PLD5: variants seen among roughly 807,000 people sequenced by gnomAD.
PLD5 encodes the protein inactive phospholipase D5.
A neutral mutation model predicts 61.1 loss-of-function variants in PLD5; 36 were observed. That is an observed-to-expected ratio of 0.59 (90% CI 0.45 to 0.78). PLD5 has a LOEUF of 0.78. Among genes scored for constraint, PLD5 ranks in the 30% least tolerant of loss-of-function variants. The pLI is 0.00. For synonymous variants in PLD5, 243 were observed against 242.8 expected (o/e 1.00, Z -0.01); for missense variants, 515 against 644.4 (o/e 0.80, Z 2.17).
At chr1:242,443,369 T>C (rs1229365957) in intron 1 of PLD5, among the ~76,000 whole-genome samples, 3 of 152,196 alleles carry the variant, frequency 2.0e-5, no homozygotes, top group Admixed American at 2.0e-4. Flanking sequence ...CAAATAGATA[T>C]GCTCTCCTTA....
intron 1 of PLD5, among the ~76,000 whole-genome samples, chr1:242,445,235 G>A (rs1046420149): frequency 6.6e-6 from 1 of 152,158 alleles, no homozygotes; most frequent in Non-Finnish European, 1.5e-5. Flanking sequence ...AACACACAGC[G>A]AGAAGGCATC....
Position 242,345,200 on chromosome 1 carries a change from C to T in PLD5, c.326+2906G>A, listed in dbSNP as rs117417162. ...AAATTGCCACAATCGTCTCATGACT[C>T]TACTGTAACTCCTTGTGCAGTCTCT... On this transcript the variant is annotated intron_variant, in intron 2 of 9. Transcript: ENST00000536534. 4.7e-3 allele frequency among the ~76,000 whole-genome samples: 711 copies of T among 152,284 alleles called. 8 individuals are homozygous for T. Among genetic ancestry groups the T allele is most frequent in the East Asian group, 0.027 (138 of 5,176 alleles).
chr1:242,274,148 A>C (rs1350155169), intron 3 of PLD5, among the ~76,000 whole-genome samples: 5 of 152,260 alleles, frequency 3.3e-5, no homozygotes, highest in Admixed American at 6.5e-5. Context: ...TAACATATTT[A>C]AATAAATTAT....
At chr1:242,272,696 A>T (rs1674163556) in intron 3 of PLD5, among the ~76,000 whole-genome samples, 1 of 152,156 alleles carries the variant, frequency 6.6e-6, no homozygotes, top group South Asian at 2.1e-4. Flanking sequence ...CTAGAAAGCT[A>T]TGAATAGGTG....
At chr1:242,328,279 TTA>T (rs1231195117) in intron 2 of PLD5, among the ~76,000 whole-genome samples, 22 of 151,892 alleles carry the variant, frequency 1.4e-4, no homozygotes, top group African/African-American at 3.1e-4. Flanking sequence ...CACATATATA[TTA>T]TATATATGTA....
chr1:242,175,025 A>G (rs1667030772), intron 5 of PLD5, among the ~76,000 whole-genome samples: 1 of 152,204 alleles, frequency 6.6e-6, no homozygotes, highest in African/African-American at 2.4e-5. Flanking sequence ...CATGTACCCT[A>G]GAACTTAAAG....
chr1:242,098,534 C>G (rs549073477), intron 9 of PLD5, among the ~76,000 whole-genome samples: 3 of 152,156 alleles, frequency 2.0e-5, no homozygotes, highest in Non-Finnish European at 4.4e-5. Context: ...GTAGTTTGAT[C>G]GTCTGAAGCC....
At chr1:242,222,793 T>G (rs1287117479) in intron 4 of PLD5, among the ~76,000 whole-genome samples, 1 of 152,250 alleles carries the variant, frequency 6.6e-6, no homozygotes. Flanking sequence ...ACTTCAGAGA[T>G]GATGGTCGTG....
intron 5 of PLD5, among the ~76,000 whole-genome samples, chr1:242,159,574 G>A (rs1665663095): frequency 6.6e-6 from 1 of 152,000 alleles, no homozygotes; most frequent in Non-Finnish European, 1.5e-5. Context: ...CTCCGAGGTG[G>A]GGCTTTCTCC....
At chr1:242,098,285 C>A (rs1660407224) in intron 9 of PLD5, among the ~76,000 whole-genome samples, 1 of 152,140 alleles carries the variant, frequency 6.6e-6, no homozygotes, top group Non-Finnish European at 1.5e-5. Context: ...CTCTAAACTT[C>A]TCTTCTCGCT....
intron 1 of PLD5, among the ~76,000 whole-genome samples, chr1:242,495,890 T>A (rs1668353108): frequency 6.6e-6 from 1 of 152,214 alleles, no homozygotes; most frequent in Non-Finnish European, 1.5e-5. Context: ...AAAAAGCAGA[T>A]GAAATAATAA....
intron 2 of PLD5, among the ~76,000 whole-genome samples, chr1:242,337,713 T>C (rs920737158): frequency 3.9e-5 from 6 of 152,218 alleles, no homozygotes; most frequent in Non-Finnish European, 8.8e-5. Context: ...AATTATCTTA[T>C]TTCTGTCTCA....
chr1:242,423,465 CTCA>C (rs1665254485), intron 1 of PLD5, among the ~76,000 whole-genome samples: 1 of 152,050 alleles, frequency 6.6e-6, no homozygotes, highest in Non-Finnish European at 1.5e-5. Flanking sequence ...GTCACTTATA[CTCA>C]GACACTGGTG....
chr1:242,118,515 G>C (rs12746963), intron 6 of PLD5, among the ~76,000 whole-genome samples: 8,715 of 152,290 alleles, frequency 0.057, 311 homozygotes, highest in South Asian at 0.14. Flanking sequence ...TGTATCTCTG[G>C]CATCTTGTGC....
intron 2 of PLD5, among the ~76,000 whole-genome samples, chr1:242,297,058 C>A (rs529675268): frequency 6.6e-6 from 1 of 152,050 alleles, no homozygotes; most frequent in Non-Finnish European, 1.5e-5. Flanking sequence ...AGAAAAACTT[C>A]CCCCTGGCTG....
At chr1:242,167,273 A>T (rs1476401988) in intron 5 of PLD5, among the ~76,000 whole-genome samples, 1 of 152,140 alleles carries the variant, frequency 6.6e-6, no homozygotes, top group Non-Finnish European at 1.5e-5. Context: ...ATTTATAAAG[A>T]AAAAGAAGTT....
rs142279801 is a variant in PLD5 at position 242,349,263 on chromosome 1, G to A, written c.190-1021C>T. Among the ~76,000 whole-genome samples, 734 of 152,222 alleles carry A rather than the reference G, an allele frequency of 4.8e-3. 4 individuals carry two copies. Among genetic ancestry groups the A allele is most frequent in the African/African-American group, 0.016 (678 of 41,526 alleles). On this transcript the variant is annotated intron_variant, in intron 1 of 9. Coordinates refer to ENST00000536534, the MANE Select transcript of PLD5 (RefSeq NM_001372062.1). ...GTTGTAGAGACCAAGGATTTATCAC[G>A]CAGATGACGCTTCTAGGTAGCGGGC... is the stretch of plus-strand genomic sequence containing the variant.
Position 242,364,491 on chromosome 1 carries a change from C to T in PLD5, c.190-16249G>A, listed in dbSNP as rs185168874. 4.2e-3 allele frequency among the ~76,000 whole-genome samples: 646 copies of T among 152,082 alleles called. 6 individuals carry two copies. Among genetic ancestry groups the T allele is most frequent in the Non-Finnish European group, 5.8e-3 (393 of 67,962 alleles). ...CAGCACTTTGGGAGGCCGGGGTGGG[C>T]GGATCACTTGAGGCCAGGGGTTCGA... On this transcript the variant is annotated intron_variant, in intron 1 of 9. Transcript: ENST00000536534.
At chr1:242,225,402 C>T (rs1173150625) in intron 4 of PLD5, among the ~76,000 whole-genome samples, 1 of 146,324 alleles carries the variant, frequency 6.8e-6, no homozygotes, top group Non-Finnish European at 1.5e-5. Flanking sequence ...GCACGTGAGA[C>T]CCATTCATGC....
Sources: allele counts gnomAD v4.1 joint callset (sites outside exome capture counted in the v4.1 genomes callset), GRCh38; gene constraint gnomAD v4.1.1; transcripts MANE v1.5; gene names NCBI Gene and HGNC (gene_info 2026-07-23, HGNC 2026-07-21).